Variants in IGSF10 observed in about 807,000 individuals in gnomAD.
IGSF10 encodes the protein calvaria mechanical force protein 608.
IGSF10 carries 126 observed loss-of-function variants against 128.2 expected under a neutral mutation model. The ratio of observed to expected loss-of-function variants is 0.98; its 90% CI spans 0.85 to 1.14. The LOEUF is 1.14. Among genes scored for constraint, IGSF10 ranks in the 50% most tolerant of loss-of-function variants. IGSF10 has a pLI of 0.00. For synonymous variants in IGSF10, 1,185 were observed against 1,146.2 expected (o/e 1.03, Z -0.68); for missense variants, 3,295 against 3,149.8 (o/e 1.05, Z -1.10).
Position 151,458,644 on chromosome 3 carries a change from G to C in IGSF10, c.66C>G (p.Ala22=), listed in dbSNP as rs750004900. 3 of 1,614,058 alleles carry C rather than the reference G, an allele frequency of 1.9e-6. No individual in the cohort carries two copies. The highest frequency in any genetic ancestry group is 4.5e-5 in the East Asian group (2 of 44,896). ...GAGGACAGGCCTTGCCCCCAGGGGTGGCGACCAGGCAGATCACAGCAAAGG... is the reference window on the plus strand; with the variant it reads ...GAGGACAGGCCTTGCCCCCAGGGGTCGCGACCAGGCAGATCACAGCAAAGG... ...LVSFAVICLV[A]TPGGKACPRR... The change falls in exon 3 of 8, where the codon GCC becomes GCG. Residue 22 remains alanine (A), a synonymous_variant. Transcript: ENST00000282466.
the IGSF10 span, among the ~76,000 whole-genome samples, chr3:151,467,040 G>A: frequency 6.6e-6 from 1 of 152,102 alleles, no homozygotes; most frequent in Non-Finnish European, 1.5e-5. Flanking sequence ...TCATTGGTAT[G>A]CAGAGGTCTC....
the IGSF10 span, among the ~76,000 whole-genome samples, chr3:151,491,345 G>A: frequency 2.6e-5 from 4 of 152,272 alleles, no homozygotes; most frequent in African/African-American, 9.6e-5. Flanking sequence ...GGGAGGCCAT[G>A]GCAGGTGGAT....
chr3:151,509,560 G>C, the IGSF10 span, among the ~76,000 whole-genome samples: 8 of 152,354 alleles, frequency 5.3e-5, no homozygotes, highest in East Asian at 1.5e-3. Flanking sequence ...TGACACAGAA[G>C]ACGGGTGATT....
chr3:151,503,931 G>A, the IGSF10 span, among the ~76,000 whole-genome samples: 1 of 152,196 alleles, frequency 6.6e-6, no homozygotes, highest in East Asian at 1.9e-4. Flanking sequence ...ACCAGTCTGG[G>A]TGGTGCCTGC....
Position 151,446,742 on chromosome 3 carries a change from G to T in IGSF10, c.3239C>A (p.Ser1080Tyr). 6.2e-7 allele frequency: 1 copy of T among 1,614,176 alleles called. No individual in the cohort carries two copies. The highest frequency in any genetic ancestry group is 1.1e-5 in the South Asian group (1 of 91,090). Residue 1080 changes from serine to tyrosine, a missense_variant, in exon 6 of 8, where the codon TCT (serine) becomes TAT (tyrosine). Ser to Tyr is a moderately radical substitution (Grantham distance 144, BLOSUM62 -2). Transcript: ENST00000282466. ...ERLTTATAAL[S>Y]FPSAAPITFP... ...GGTGATGGGAGCAGCACTTGGAAAA[G>T]ACAATGCTGCTGTGGCAGTGGTGAG... is the stretch of plus-strand genomic sequence containing the variant.
In IGSF10 at chr3:151,458,719, A is replaced by G. The variant is rs554904597; in HGVS notation, c.-1-9T>C. ...TGCCTTTTACCTTCATCCTGAAAAAACATCATACCTCAGAGTTATAAAGAG... is the reference window on the plus strand; with the variant it reads ...TGCCTTTTACCTTCATCCTGAAAAAGCATCATACCTCAGAGTTATAAAGAG... On this transcript the variant is annotated splice_polypyrimidine_tract_variant and intron_variant, in intron 2 of 7. Coordinates refer to ENST00000282466, the MANE Select transcript of IGSF10 (RefSeq NM_178822.5). 2.8e-4 allele frequency: 444 copies of G among 1,610,146 alleles called. 4 individuals are homozygous for G. In the South Asian group the frequency reaches 4.7e-3, roughly 17 times the overall value.
the IGSF10 span, among the ~76,000 whole-genome samples, chr3:151,526,935 T>C: frequency 6.6e-6 from 1 of 152,164 alleles, no homozygotes; most frequent in Non-Finnish European, 1.5e-5. Flanking sequence ...TGTACATATG[T>C]GAAGGAGAAG....
the IGSF10 span, among the ~76,000 whole-genome samples, chr3:151,580,090 C>T: frequency 5.3e-5 from 8 of 152,220 alleles, no homozygotes; most frequent in South Asian, 4.1e-4. Context: ...CACCCTTAAT[C>T]GCAGCACTGT....
chr3:151,439,903 TTTC>T (rs1720739047), intron 7 of IGSF10, among the ~76,000 whole-genome samples: 1 of 152,220 alleles, frequency 6.6e-6, no homozygotes, highest in Admixed American at 6.5e-5. Flanking sequence ...AGAAAACGTC[TTTC>T]TTATTTTTGG....
rs774547720 is a variant in IGSF10 at position 151,437,098 on chromosome 3, T to G, written c.7463A>C (p.Asn2488Thr). The stretch of plus-strand genomic sequence containing the variant: ...TGCTTCTTTAATGACTAAGGTGCCA[T>G]TGTCATGCAATATGTATTTCCCATT... ...QINGKYILHDNGTLVIKEATA... is the reference protein window; with the variant it reads ...QINGKYILHDTGTLVIKEATA... Residue 2488 changes from asparagine (N) to threonine (T), a missense_variant, in exon 8 of 8, where the codon AAT becomes ACT. Coordinates refer to ENST00000282466, the MANE Select transcript of IGSF10 (RefSeq NM_178822.5). 7.4e-6 allele frequency: 12 copies of G among 1,614,092 alleles called. No homozygotes were observed. Among genetic ancestry groups the G allele is most frequent in the Non-Finnish European group, 1.0e-5 (12 of 1,180,034 alleles).
In IGSF10 at chr3:151,445,856, T is replaced by G. The variant is rs1467379489; in HGVS notation, c.4125A>C (p.Thr1375=). Reference sequence around the variant, plus strand: ...TTTCGGCTGTGGTTAGAACAGGAGGTGTCATAGCAGTGGGTGTAGTGAAGC... The same window carrying G: ...TTTCGGCTGTGGTTAGAACAGGAGGGGTCATAGCAGTGGGTGTAGTGAAGC... ...SSGFTTPTAM[T]PPVLTTAETS... Residue 1375 remains threonine, a synonymous_variant, in exon 6 of 8, where the codon ACA becomes ACC. Transcript: ENST00000282466. The G allele has an allele frequency of 6.2e-7, 1 of 1,614,072 alleles. No homozygotes were observed. The highest frequency in any genetic ancestry group is 8.5e-7 in the Non-Finnish European group (1 of 1,180,002).
the IGSF10 span, among the ~76,000 whole-genome samples, chr3:151,474,005 G>GTA: frequency 6.6e-6 from 1 of 151,908 alleles, no homozygotes; most frequent in East Asian, 1.9e-4. Flanking sequence ...TGGTAGTGGG[G>GTA]TATCAGTTGT....
chr3:151,507,988 AGATTATAAAATG>A, the IGSF10 span, among the ~76,000 whole-genome samples: 1 of 152,204 alleles, frequency 6.6e-6, no homozygotes, highest in Non-Finnish European at 1.5e-5. Context: ...TTTTTCTAAA[AGATTATAAAATG>A]GTTTTTATCT....
chr3:151,510,962 T>C, the IGSF10 span, among the ~76,000 whole-genome samples: 1 of 152,170 alleles, frequency 6.6e-6, no homozygotes, highest in Non-Finnish European at 1.5e-5. Flanking sequence ...TATGGGACTA[T>C]GTGAAAAGAC....
chr3:151,481,362 C>G, the IGSF10 span, among the ~76,000 whole-genome samples: 2 of 152,332 alleles, frequency 1.3e-5, no homozygotes, highest in Non-Finnish European at 1.5e-5. Context: ...GCAACTGCAG[C>G]ATCTTTCCAT....
chr3:151,463,542 T>G (rs1014828732), upstream of IGSF10, among the ~76,000 whole-genome samples: 772 of 113,106 alleles, frequency 6.8e-3, 17 homozygotes, highest in South Asian at 0.015. Context: ...TTTTTTTTTT[T>G]TTTTTTTTTT....
At chr3:151,616,166 G>A in the IGSF10 span, among the ~76,000 whole-genome samples, 10 of 152,004 alleles carry the variant, frequency 6.6e-5, no homozygotes, top group Non-Finnish European at 1.2e-4. Flanking sequence ...GTTTCTCCAT[G>A]TTGGTCAGGC....
intron 3 of IGSF10, 58 bp from the exon 4 acceptor site, chr3:151,457,213 G>A: frequency 6.5e-7 from 1 of 1,535,698 alleles, no homozygotes. Context: ...AAGTTCAAAT[G>A]TCATAACCAA....
chr3:151,520,724 A>G, the IGSF10 span, among the ~76,000 whole-genome samples: 15 of 151,936 alleles, frequency 9.9e-5, no homozygotes, highest in African/African-American at 2.9e-4. Flanking sequence ...AGAGATCTTG[A>G]AAGGATCACT....
Sources: gnomAD v4.1 joint callset for allele counts (sites outside exome capture counted in the v4.1 genomes callset) on GRCh38, gnomAD v4.1.1 for gene constraint, MANE v1.5 for transcripts, NCBI Gene and HGNC (gene_info 2026-07-23, HGNC 2026-07-21) for gene names.